ST3GAL2: variants seen among roughly 807,000 people sequenced by gnomAD.
ST3GAL2 encodes the protein CMP-N-acetylneuraminate-beta-galactosamide-alpha-2,3-sialyltransferase 2.
Under a neutral mutation model 37.5 loss-of-function variants are expected in ST3GAL2, and 16 were observed. The observed-to-expected ratio is 0.43, with a 90% CI of 0.29 to 0.65. ST3GAL2 has a LOEUF of 0.65. Among genes scored for constraint, ST3GAL2 ranks in the 30% least tolerant of loss-of-function variants. The pLI is 0.17. For missense variants in ST3GAL2, 383 were observed against 487.8 expected, an observed-to-expected ratio of 0.79 and a Z score of 2.02; for synonymous variants, 238 against 202.9, an observed-to-expected ratio of 1.17 and a Z score of -1.47.
chr16:70,383,045 T>C, intron 5 of ST3GAL2, 121 bp from the exon 6 acceptor site: 10 of 1,582,734 alleles, frequency 6.3e-6, no homozygotes, highest in Non-Finnish European at 8.6e-6. Flanking sequence ...TCCTGAATCG[T>C]GTGGCACCTG....
At chr16:70,406,085 G>T (rs983672804) in intron 1 of ST3GAL2, among the ~76,000 whole-genome samples, 25 of 147,420 alleles carry the variant, frequency 1.7e-4, no homozygotes, top group African/African-American at 5.8e-4. Context: ...CCACTGACTT[G>T]TATGTTTCAA....
intron 1 of ST3GAL2, among the ~76,000 whole-genome samples, chr16:70,429,069 T>C (rs1399971136): frequency 6.6e-6 from 1 of 152,230 alleles, no homozygotes; most frequent in Non-Finnish European, 1.5e-5. Flanking sequence ...GAGGAACTAC[T>C]GGATGCAGGG....
chr16:70,387,259 A>G (rs151139319), intron 4 of ST3GAL2, among the ~76,000 whole-genome samples: 1,807 of 151,714 alleles, frequency 0.012, 18 homozygotes, highest in Non-Finnish European at 0.017. Flanking sequence ...CCGTTTCAAA[A>G]GAAATTAATT....
intron 3 of ST3GAL2, among the ~76,000 whole-genome samples, chr16:70,390,560 G>A (rs1039186219): frequency 2.6e-5 from 4 of 152,128 alleles, no homozygotes; most frequent in South Asian, 4.1e-4. Context: ...CCTGTCTGCC[G>A]CTTTAAGACC....
chr16:70,397,819 T>TAA lies in ST3GAL2; in HGVS notation c.339+371_339+372dup, dbSNP rs564901746. Among the ~76,000 whole-genome samples, 5 of 148,872 alleles carry TAA rather than the reference T, an allele frequency of 3.4e-5. No individual in the cohort carries two copies. In the East Asian group the frequency reaches 7.8e-4, roughly 23 times the overall value. On this transcript the variant is annotated intron_variant, in intron 2 of 6. Coordinates refer to ENST00000342907, the MANE Select transcript of ST3GAL2 (RefSeq NM_006927.4). ...TAAAATCTGGATTTCTAGGTTTTCT[T>TAA]AAAAAAAAAACAAAAAACCCAGATC...
intron 1 of ST3GAL2, among the ~76,000 whole-genome samples, chr16:70,409,347 G>A (rs1433561550): frequency 4.6e-5 from 7 of 151,924 alleles, no homozygotes; most frequent in Admixed American, 2.6e-4. Flanking sequence ...CGCCTCTGGC[G>A]GCTTTTTTTT....
At position 70,380,394 on chromosome 16, in the gene ST3GAL2, A is replaced by G. The variant is rs2047390285; in HGVS notation, c.*1295T>C. 2 of 152,182 alleles carry G rather than the reference A, an allele frequency of 1.3e-5. No homozygotes were observed. The highest frequency in any genetic ancestry group is 4.1e-4 in the South Asian group (2 of 4,834). The allele number at this position is 152,182 out of a possible 1,614,324, so 9.4% of individuals were successfully genotyped here. ...TCACTGTTGGGGAGGGGGCTCTATTAGTGGTTTGAGAGCTTCACAGAAGCC... is the reference window on the plus strand; with the variant it reads ...TCACTGTTGGGGAGGGGGCTCTATTGGTGGTTTGAGAGCTTCACAGAAGCC... On this transcript the variant is annotated 3_prime_UTR_variant, in exon 7 of 7. Transcript: ENST00000342907.
chr16:70,425,976 G>C (rs2047746902), intron 1 of ST3GAL2, among the ~76,000 whole-genome samples: 1 of 152,142 alleles, frequency 6.6e-6, no homozygotes, highest in South Asian at 2.1e-4. Flanking sequence ...GGGTGGCCTG[G>C]AGTAAACACT....
At chr16:70,415,698 C>T (rs960135717) in intron 1 of ST3GAL2, among the ~76,000 whole-genome samples, 4 of 151,060 alleles carry the variant, frequency 2.6e-5, no homozygotes, top group African/African-American at 9.8e-5. Context: ...GTGATCTACC[C>T]ACCTCGGCCT....
In ST3GAL2 at chr16:70,398,684, G is replaced by A. The variant is rs556433592; in HGVS notation, c.-154C>T. The stretch of plus-strand genomic sequence containing the variant: ...GACAGTGGCAGGGGTCCCTTGCCAC[G>A]CCCTCCCTCATGTAGGGAGAACACA... On this transcript the variant is annotated 5_prime_UTR_variant, in exon 2 of 7. Transcript: ENST00000342907. 83 of 708,964 alleles carry A rather than the reference G, an allele frequency of 1.2e-4. No individual in the cohort carries two copies. The highest frequency in any genetic ancestry group is 3.1e-4 in the Admixed American group (11 of 35,846). The allele number at this position is 708,964 out of a possible 1,614,324, so 43.9% of individuals were successfully genotyped here.
chr16:70,434,088 A>C (rs1000279938), intron 1 of ST3GAL2, among the ~76,000 whole-genome samples: 1 of 152,160 alleles, frequency 6.6e-6, no homozygotes, highest in African/African-American at 2.4e-5. Context: ...TCCCAGGAAC[A>C]GCAACTTGGA....
At position 70,405,632 on chromosome 16, in the gene ST3GAL2, G is replaced by A. The variant is rs535650905; in HGVS notation, c.-1003-6099C>T. Among the ~76,000 whole-genome samples, 7 of 151,996 alleles carry A rather than the reference G, an allele frequency of 4.6e-5. No homozygotes were observed. In the East Asian group the frequency reaches 1.2e-3, roughly 25 times the overall value. ...GATTTATGTAAAATGTACAGAATAG[G>A]CAAATCCATAGAGACAGACAGTAGA... On this transcript the variant is annotated intron_variant, in intron 1 of 6. Transcript: ENST00000342907.
At chr16:70,438,736 G>A (rs2047845211) in intron 1 of ST3GAL2, among the ~76,000 whole-genome samples, 1 of 152,116 alleles carries the variant, frequency 6.6e-6, no homozygotes, top group African/African-American at 2.4e-5. Flanking sequence ...GGCTGGACGT[G>A]CAAAGCAGAA....
chr16:70,382,360 G>T (rs986275611), intron 6 of ST3GAL2, among the ~76,000 whole-genome samples: 39 of 152,046 alleles, frequency 2.6e-4, no homozygotes, highest in African/African-American at 9.4e-4. Flanking sequence ...TCGGCTCACT[G>T]CAACCTACGC....
chr16:70,424,341 C>G (rs2047736170), intron 1 of ST3GAL2, among the ~76,000 whole-genome samples: 1 of 150,022 alleles, frequency 6.7e-6, no homozygotes, highest in South Asian at 2.2e-4. Flanking sequence ...ATGGCTAATG[C>G]CTATAATCCC....
intron 1 of ST3GAL2, among the ~76,000 whole-genome samples, chr16:70,435,181 C>T (rs2047816610): frequency 6.6e-6 from 1 of 152,150 alleles, no homozygotes; most frequent in South Asian, 2.1e-4. Flanking sequence ...AACCGTGGGG[C>T]AGTGTCCCCC....
intron 1 of ST3GAL2, among the ~76,000 whole-genome samples, chr16:70,431,660 T>C (rs1215432600): frequency 7.3e-6 from 1 of 136,730 alleles, no homozygotes; most frequent in Non-Finnish European, 1.5e-5. Flanking sequence ...CTCCCATCTC[T>C]TTAAAAAAAA....
At chr16:70,415,762 C>CTTTTTTTT (rs1203693372) in intron 1 of ST3GAL2, among the ~76,000 whole-genome samples, 12 of 115,940 alleles carry the variant, frequency 1.0e-4, no homozygotes, top group African/African-American at 3.9e-4. Flanking sequence ...TTCCAAGATT[C>CTTTTTTTT]TTTTTTTTTT....
intron 4 of ST3GAL2, among the ~76,000 whole-genome samples, chr16:70,386,513 T>C (rs2047444918): frequency 6.6e-6 from 1 of 152,120 alleles, no homozygotes; most frequent in Admixed American, 6.6e-5. Flanking sequence ...CTAATTTTTG[T>C]ATTTTTAGTA....
Sources: gnomAD v4.1 joint callset for allele counts (sites outside exome capture counted in the v4.1 genomes callset) on GRCh38, gnomAD v4.1.1 for gene constraint, MANE v1.5 for transcripts, NCBI Gene and HGNC (gene_info 2026-07-23, HGNC 2026-07-21) for gene names.